The following SNAP91 variants were observed in gnomAD, a reference collection of about 807,000 sequenced individuals.
SNAP91 encodes the protein clathrin coat assembly protein AP180.
In SNAP91, 27 loss-of-function variants were observed where a neutral mutation model predicts 100.3. That is an observed-to-expected ratio of 0.27 (90% CI 0.20 to 0.37). The LOEUF (loss-of-function observed/expected upper bound fraction) is 0.37. SNAP91 is among the 10% of genes least tolerant of loss of function. The probability of loss-of-function intolerance (pLI) is 1.00; values close to 1 mark genes in which losing one functional copy is unlikely to be tolerated. For synonymous variants in SNAP91, 404 were observed against 398.6 expected (o/e 1.01, Z -0.16); for missense variants, 986 against 1,123.7 (o/e 0.88, Z 1.75).
intron 2 of SNAP91, among the ~76,000 whole-genome samples, chr6:83,683,516 G>A (rs1306269741): frequency 1.3e-5 from 2 of 152,124 alleles, no homozygotes; most frequent in Non-Finnish European, 2.9e-5. Context: ...CTTGCCATGT[G>A]ACATGCCTGC....
intron 2 of SNAP91, among the ~76,000 whole-genome samples, chr6:83,680,251 T>C (rs762906930): frequency 6.6e-5 from 10 of 152,206 alleles, no homozygotes; most frequent in Non-Finnish European, 1.5e-5. Context: ...ACCATAGTAG[T>C]AGACACATCA....
At chr6:83,595,714 GAAA>G (rs2094398190) in intron 16 of SNAP91, among the ~76,000 whole-genome samples, 1 of 152,106 alleles carries the variant, frequency 6.6e-6, no homozygotes, top group African/African-American at 2.4e-5. Context: ...CTTCAGTCAT[GAAA>G]ATAACATGTC....
chr6:83,597,880 T>C (rs2094657341), intron 16 of SNAP91, among the ~76,000 whole-genome samples: 1 of 152,220 alleles, frequency 6.6e-6, no homozygotes, highest in Non-Finnish European at 1.5e-5. Flanking sequence ...AGTGTTTAAT[T>C]ATTGGTTTTA....
At chr6:83,630,759 T>C (rs988874982) in intron 8 of SNAP91, among the ~76,000 whole-genome samples, 1 of 135,566 alleles carries the variant, frequency 7.4e-6, no homozygotes, top group Non-Finnish European at 1.6e-5. Context: ...TTGCTAATGG[T>C]CTATCAATTT....
chr6:83,623,982 C>T (rs1483240267), intron 8 of SNAP91, among the ~76,000 whole-genome samples: 1 of 152,058 alleles, frequency 6.6e-6, no homozygotes, highest in Non-Finnish European at 1.5e-5. Flanking sequence ...ATAGAACTTC[C>T]TTGTCCTATA....
intron 2 of SNAP91, among the ~76,000 whole-genome samples, chr6:83,678,100 G>A (rs1379130442): frequency 1.3e-5 from 2 of 152,184 alleles, no homozygotes; most frequent in Admixed American, 6.5e-5. Context: ...CTTCAAGTAT[G>A]TCAGGTAAAT....
intron 2 of SNAP91, chr6:83,686,269 G>C: frequency 1.2e-6 from 1 of 817,874 alleles, no homozygotes; most frequent in Non-Finnish European, 1.5e-6. Flanking sequence ...GTAATAGTTG[G>C]TTACTCAGTT....
At chr6:83,564,420 C>A (rs1793655029) in intron 26 of SNAP91, among the ~76,000 whole-genome samples, 1 of 151,634 alleles carries the variant, frequency 6.6e-6, no homozygotes, top group Admixed American at 6.6e-5. Flanking sequence ...TCACTGCGGC[C>A]TCTAGTTCCC....
chr6:83,621,652 A>T (rs2096734213), intron 9 of SNAP91, among the ~76,000 whole-genome samples: 1 of 152,134 alleles, frequency 6.6e-6, no homozygotes, highest in South Asian at 2.1e-4. Context: ...TTTCAATGAC[A>T]TGCTCTCATT....
At chr6:83,573,148 A>G (rs1811416066) in intron 26 of SNAP91, among the ~76,000 whole-genome samples, 1 of 152,186 alleles carries the variant, frequency 6.6e-6, no homozygotes, top group Non-Finnish European at 1.5e-5. Flanking sequence ...AAAGAGAGCC[A>G]CACCAATAAC....
rs1028561907 is a variant in SNAP91 at position 83,592,538 on chromosome 6, A to G, written c.1847T>C (p.Val616Ala). The change falls in exon 21 of 30, where the codon GTG becomes GCG. Residue 616 changes from valine to alanine, a missense_variant and splice_region_variant. Physicochemically the swap from Val to Ala is moderately conservative, Grantham distance 64 (BLOSUM62 0). Coordinates refer to ENST00000369694, the MANE Select transcript of SNAP91 (RefSeq NM_001242792.2). Reference protein sequence around the residue: ...ESSLTADLLSVDAFAAPSPAT... With the variant: ...ESSLTADLLSADAFAAPSPAT... ...AGGAGATGGTGCTGCAAATGCATCC[A>G]CTGCAGTGAAGCACAGACAGGAAAA... The G allele has an allele frequency of 1.2e-6, 2 of 1,605,216 alleles. No individual in the cohort carries two copies. Among genetic ancestry groups the G allele is most frequent in the Non-Finnish European group, 8.5e-7 (1 of 1,175,696 alleles).
At chr6:83,642,277 T>C (rs2097740250) in intron 7 of SNAP91, among the ~76,000 whole-genome samples, 1 of 152,198 alleles carries the variant, frequency 6.6e-6, no homozygotes, top group South Asian at 2.1e-4. Context: ...GCCATGTTGG[T>C]GTGCTGCACC....
intron 8 of SNAP91, among the ~76,000 whole-genome samples, chr6:83,634,367 C>T (rs113115065): frequency 1.7e-4 from 25 of 148,212 alleles, no homozygotes; most frequent in African/African-American, 6.4e-4. Context: ...TTCCCCAGTG[C>T]GGGGTGTGTG....
chr6:83,695,105 C>T (rs1236982988), intron 2 of SNAP91, among the ~76,000 whole-genome samples: 1 of 151,570 alleles, frequency 6.6e-6, no homozygotes, highest in African/African-American at 2.4e-5. Flanking sequence ...AACCCCATCT[C>T]TACTAAAAAT....
At chr6:83,568,236 G>A (rs1369823756) in intron 26 of SNAP91, among the ~76,000 whole-genome samples, 2 of 151,960 alleles carry the variant, frequency 1.3e-5, no homozygotes, top group African/African-American at 4.8e-5. Context: ...TCAGCAAACT[G>A]TCACAAGGAC....
Position 83,592,549 on chromosome 6 carries a change from G to A in SNAP91, c.1847-11C>T. The A allele has an allele frequency of 6.3e-7, 1 of 1,597,564 alleles. No individual in the cohort carries two copies. Among genetic ancestry groups the A allele is most frequent in the Non-Finnish European group, 8.5e-7 (1 of 1,171,244 alleles). ...CTGCAAATGCATCCACTGCAGTGAA[G>A]CACAGACAGGAAAAAGTGCATGTCA... On this transcript the variant is annotated splice_polypyrimidine_tract_variant and intron_variant, in intron 20 of 29. Coordinates refer to ENST00000369694, the MANE Select transcript of SNAP91 (RefSeq NM_001242792.2).
chr6:83,616,548 A>G (rs912840902), intron 10 of SNAP91, among the ~76,000 whole-genome samples: 8 of 152,084 alleles, frequency 5.3e-5, no homozygotes, highest in African/African-American at 1.9e-4. Context: ...AGTCCAAAAA[A>G]CTATACTTGA....
intron 22 of SNAP91, among the ~76,000 whole-genome samples, chr6:83,589,158 T>A (rs892260273): frequency 2.0e-5 from 3 of 152,240 alleles, no homozygotes; most frequent in Non-Finnish European, 4.4e-5. Context: ...GTTAAAATCT[T>A]ATTGCTGAAC....
chr6:83,640,223 T>C (rs2097637634), intron 8 of SNAP91, among the ~76,000 whole-genome samples: 1 of 152,314 alleles, frequency 6.6e-6, no homozygotes. Context: ...TTAAACACAA[T>C]GCATGGACTA....
Sources: gnomAD v4.1 joint callset for allele counts (sites outside exome capture counted in the v4.1 genomes callset) on GRCh38, gnomAD v4.1.1 for gene constraint, MANE v1.5 for transcripts, NCBI Gene and HGNC (gene_info 2026-07-23, HGNC 2026-07-21) for gene names.